Variants in DENND2A observed in about 807,000 individuals in gnomAD.
DENND2A encodes the protein DENN domain containing 2A.
A neutral mutation model predicts 105.3 loss-of-function variants in DENND2A; 53 were observed. The observed-to-expected ratio is 0.50, with a 90% CI of 0.40 to 0.63. The LOEUF (loss-of-function observed/expected upper bound fraction) is 0.63. Among genes scored for constraint, DENND2A ranks in the 30% least tolerant of loss-of-function variants. The probability of loss-of-function intolerance (pLI) is 0.00; values close to 1 mark genes in which losing one functional copy is unlikely to be tolerated. For synonymous variants in DENND2A, 522 were observed against 508.4 expected (o/e 1.03, Z -0.36); for missense variants, 1,138 against 1,279.6 (o/e 0.89, Z 1.69).
rs1800002319 is a variant in DENND2A at position 140,614,096 on chromosome 7, TTTTTA to T, written c.-247-8295_-247-8291del. On this transcript the variant is annotated intron_variant, in intron 1 of 19. Transcript: ENST00000496613. ...GAAAAAGCACAGGAGACACAGATCT[TTTTTA>T]TTTTTTTATTTTTTATTTTTTTGAG... 2.6e-5 allele frequency among the ~76,000 whole-genome samples: 4 copies of T among 152,134 alleles called. No individual in the cohort carries two copies. In the South Asian group the frequency reaches 8.3e-4, roughly 32 times the overall value.
At chr7:140,553,637 C>A (rs180833715) in intron 12 of DENND2A, among the ~76,000 whole-genome samples, 7 of 152,264 alleles carry the variant, frequency 4.6e-5, no homozygotes, top group South Asian at 4.2e-4. Context: ...AGGCAGAGGT[C>A]CCTGCGGCCT....
At chr7:140,602,862 G>A (rs983982988) in intron 2 of DENND2A, among the ~76,000 whole-genome samples, 3 of 152,122 alleles carry the variant, frequency 2.0e-5, no homozygotes, top group Non-Finnish European at 4.4e-5. Context: ...AGACAGCATG[G>A]TGAAATGAAG....
rs767996612 is a variant in DENND2A, at chr7:140,527,477, G to A, written c.2346C>T (p.Cys782=). The A allele has an allele frequency of 2.5e-6, 4 of 1,604,878 alleles. No individual in the cohort carries two copies. The highest frequency in any genetic ancestry group is 4.5e-5 in the East Asian group (2 of 44,590). Reference sequence around the variant, plus strand: ...GGTAGATCAGCGCCACCATCGCGTGGCAGCACTTGGACAGGATGCTGCAGC... The same window carrying A: ...GGTAGATCAGCGCCACCATCGCGTGACAGCACTTGGACAGGATGCTGCAGC... ...ADKLSILSKC[C]HAMVALIYPF... is the part of the protein sequence containing the mutation. Residue 782 remains cysteine, a synonymous_variant, in exon 15 of 20, where the codon TGC becomes TGT. Transcript: ENST00000496613. This position sits in a 1 kb window ranked among gnomAD's most constrained non-coding sequence, Gnocchi z 4.9.
intron 5 of DENND2A, among the ~76,000 whole-genome samples, chr7:140,582,723 C>T (rs1243555214): frequency 6.6e-6 from 1 of 152,152 alleles, no homozygotes; most frequent in African/African-American, 2.4e-5. Context: ...GCCCCACCTG[C>T]CAGCGATGCT....
At chr7:140,558,812 T>TG (rs905040012) in intron 10 of DENND2A, among the ~76,000 whole-genome samples, 1 of 150,724 alleles carries the variant, frequency 6.6e-6, no homozygotes, top group Non-Finnish European at 1.5e-5. Context: ...TTCTCTTTTT[T>TG]TTTTTTTCAA....
At chr7:140,535,228 T>C (rs1796415693) in intron 14 of DENND2A, among the ~76,000 whole-genome samples, 1 of 152,142 alleles carries the variant, frequency 6.6e-6, no homozygotes, top group Non-Finnish European at 1.5e-5. Context: ...GTGAATGCCC[T>C]TTAGTATCCC....
At chr7:140,563,430 CTGAACTG>C in intron 9 of DENND2A, among the ~76,000 whole-genome samples, 1 of 152,188 alleles carries the variant, frequency 6.6e-6, no homozygotes, top group Non-Finnish European at 1.5e-5. Context: ...CCCAGTCTCC[CTGAACTG>C]TCAAAGATAA....
intron 1 of DENND2A, among the ~76,000 whole-genome samples, chr7:140,639,048 C>A (rs1801071914): frequency 6.6e-6 from 1 of 152,178 alleles, no homozygotes; most frequent in Non-Finnish European, 1.5e-5. Context: ...TTTTATTAAT[C>A]TTCCAGAATG....
chr7:140,541,323 C>T (rs1796649413), intron 14 of DENND2A, among the ~76,000 whole-genome samples: 1 of 152,028 alleles, frequency 6.6e-6, no homozygotes, highest in Admixed American at 6.6e-5. Context: ...GGCTCCTCTC[C>T]AGCTGTGCCC....
intron 9 of DENND2A, among the ~76,000 whole-genome samples, chr7:140,562,251 C>T (rs1470800985): frequency 1.3e-5 from 2 of 152,142 alleles, no homozygotes; most frequent in African/African-American, 2.4e-5. Context: ...CAGTCCTGTT[C>T]ACTGCTCCTG....
intron 3 of DENND2A, among the ~76,000 whole-genome samples, chr7:140,591,883 T>C (rs112892518): frequency 0.03 from 3,483 of 115,416 alleles, 205 homozygotes; most frequent in African/African-American, 0.12. Flanking sequence ...TCCTTCCTTC[T>C]TTCTTTCTTT....
At chr7:140,571,597 G>A (rs1798099495) in intron 6 of DENND2A, among the ~76,000 whole-genome samples, 1 of 151,998 alleles carries the variant, frequency 6.6e-6, no homozygotes, top group Non-Finnish European at 1.5e-5. Flanking sequence ...AGGGGTTGGA[G>A]TGTTTCAACA....
chr7:140,621,245 G>T (rs1251440087), intron 1 of DENND2A, among the ~76,000 whole-genome samples: 1 of 151,462 alleles, frequency 6.6e-6, no homozygotes, highest in Non-Finnish European at 1.5e-5. Flanking sequence ...ATGTTGCCCA[G>T]ACTGGTCTTG....
chr7:140,528,737 G>A lies in DENND2A; in HGVS notation c.2328-1242C>T, dbSNP rs146728132. 5.4e-3 allele frequency among the ~76,000 whole-genome samples: 798 copies of A among 148,974 alleles called. 6 individuals carry two copies. Among genetic ancestry groups the A allele is most frequent in the African/African-American group, 0.019 (736 of 39,600 alleles). On this transcript the variant is annotated intron_variant, in intron 14 of 19. Coordinates refer to ENST00000496613, the MANE Select transcript of DENND2A (RefSeq NM_015689.5). Reference sequence around the variant, plus strand: ...ATTACACCATTGCACTCCAGCCTGGGCAACAAGAATGAAACTCCATCTCAA... The same window carrying A: ...ATTACACCATTGCACTCCAGCCTGGACAACAAGAATGAAACTCCATCTCAA...
At chr7:140,606,316 C>T (rs778398262) in intron 1 of DENND2A, among the ~76,000 whole-genome samples, 6 of 152,070 alleles carry the variant, frequency 3.9e-5, no homozygotes, top group East Asian at 1.9e-4. Flanking sequence ...CTGGGATTAC[C>T]GGAGTGAGCC....
At chr7:140,577,827 G>A (rs1798368915) in intron 5 of DENND2A, among the ~76,000 whole-genome samples, 1 of 152,216 alleles carries the variant, frequency 6.6e-6, no homozygotes, top group African/African-American at 2.4e-5. Context: ...AATGCACCTG[G>A]CTGTGTTTCC....
At chr7:140,528,163 T>C (rs1201870629) in intron 14 of DENND2A, among the ~76,000 whole-genome samples, 2 of 151,986 alleles carry the variant, frequency 1.3e-5, no homozygotes, top group Admixed American at 6.6e-5. Flanking sequence ...TTAATTTATA[T>C]TCATTTCCAC....
intron 1 of DENND2A, among the ~76,000 whole-genome samples, chr7:140,627,379 T>A (rs1219728210): frequency 1.3e-5 from 2 of 151,596 alleles, no homozygotes; most frequent in Admixed American, 6.6e-5. Flanking sequence ...GCCTGGCTAA[T>A]TTTTTTTGTA....
chr7:140,523,361 G>C lies in DENND2A; in HGVS notation c.2611C>G (p.Gln871Glu). 1 of 1,614,190 alleles carries C rather than the reference G, an allele frequency of 6.2e-7. No homozygotes were observed. Among genetic ancestry groups the C allele is most frequent in the South Asian group, 1.1e-5 (1 of 91,086 alleles). ...LQVALEHILE[Q>E]RNELACEQDE... ...TGCTCACAAGCCAGCTCGTTCCTCT[G>C]TTCCAGAATGTGTTCCAGGGCCACC... The change falls in exon 17 of 20, where the codon CAG (glutamine) becomes GAG (glutamate). Residue 871 changes from glutamine to glutamate, a missense_variant. By Grantham distance (29) the Gln-to-Glu change is conservative (BLOSUM62 2). Around this residue, in one of 2 missense-constraint regions of DENND2A, gnomAD observed 627 missense variants for 779.8 expected, o/e 0.80. Transcript: ENST00000496613. The surrounding 1 kb of genome is among the most constrained non-coding windows in gnomAD (Gnocchi z 4.5).
Sources: gnomAD v4.1 joint callset for allele counts (sites outside exome capture counted in the v4.1 genomes callset) on GRCh38, gnomAD v4.1.1 for gene constraint, gnomAD v4.1.1 regional missense constraint, Gnocchi (gnomAD v3.1) non-coding constraint, MANE v1.5 for transcripts, NCBI Gene and HGNC (gene_info 2026-07-23, HGNC 2026-07-21) for gene names.